Variants in CDH4 observed in about 807,000 individuals in gnomAD.
The protein encoded by CDH4 is cadherin-4.
Under a neutral mutation model 86.0 loss-of-function variants are expected in CDH4, and 33 were observed. That is an observed-to-expected ratio of 0.38 (90% CI 0.29 to 0.51). CDH4 has a LOEUF of 0.51. CDH4 is among the 20% of genes least tolerant of loss of function. CDH4 has a pLI of 0.86. For synonymous variants in CDH4, 555 were observed against 549.4 expected (o/e 1.01, Z -0.14); for missense variants, 1,114 against 1,307.4 (o/e 0.85, Z 2.28).
intron 2 of CDH4, among the ~76,000 whole-genome samples, chr20:61,692,999 G>A (rs1215063932): frequency 6.6e-6 from 1 of 152,130 alleles, no homozygotes; most frequent in East Asian, 1.9e-4. Context: ...TGATCCATGA[G>A]CTCAGCCAGC....
chr20:61,557,622 G>A (rs547439357), intron 2 of CDH4, among the ~76,000 whole-genome samples: 2 of 152,306 alleles, frequency 1.3e-5, no homozygotes, highest in East Asian at 1.9e-4. Context: ...GAGTGAAAAT[G>A]CCGCTCTTTT....
At chr20:61,651,434 G>A (rs893734424) in intron 2 of CDH4, among the ~76,000 whole-genome samples, 5 of 152,214 alleles carry the variant, frequency 3.3e-5, no homozygotes, top group Non-Finnish European at 4.4e-5. Context: ...TGCCTGTCGC[G>A]GCGTTCCTCT....
At chr20:61,599,107 A>T (rs899030116) in intron 2 of CDH4, among the ~76,000 whole-genome samples, 4 of 152,086 alleles carry the variant, frequency 2.6e-5, no homozygotes, top group Admixed American at 2.6e-4. Context: ...AGGGACCTCC[A>T]ATCCGCCCCT....
intron 2 of CDH4, among the ~76,000 whole-genome samples, chr20:61,401,388 T>G (rs1365100670): frequency 6.0e-5 from 6 of 99,546 alleles, no homozygotes; most frequent in Non-Finnish European, 1.1e-4. Context: ...GCCATTTTTT[T>G]GTCAGACAAA....
intron 2 of CDH4, among the ~76,000 whole-genome samples, chr20:61,528,248 G>A (rs544199200): frequency 3.0e-3 from 454 of 151,390 alleles, no homozygotes; most frequent in Non-Finnish European, 5.3e-3. Context: ...GTGGTGGTGT[G>A]TGCCTGTAAT....
intron 2 of CDH4, among the ~76,000 whole-genome samples, chr20:61,396,527 G>A (rs2085018234): frequency 6.6e-6 from 1 of 152,212 alleles, no homozygotes; most frequent in African/African-American, 2.4e-5. Flanking sequence ...GCCCTCACCT[G>A]GCCATGGAAC....
At chr20:61,591,539 G>A (rs2086519361) in intron 2 of CDH4, among the ~76,000 whole-genome samples, 1 of 151,150 alleles carries the variant, frequency 6.6e-6, no homozygotes, top group Non-Finnish European at 1.5e-5. Flanking sequence ...GTGTGTAGAT[G>A]GGAAGGGAGG....
chr20:61,766,469 C>T (rs1483243251), intron 3 of CDH4, among the ~76,000 whole-genome samples: 1 of 152,180 alleles, frequency 6.6e-6, no homozygotes. Context: ...AGCTCTGCCC[C>T]TTCTCAGGTT....
At chr20:61,580,381 G>A (rs545889693) in intron 2 of CDH4, among the ~76,000 whole-genome samples, 14 of 152,226 alleles carry the variant, frequency 9.2e-5, no homozygotes, top group South Asian at 4.1e-4. Context: ...CTGGCCACCC[G>A]GGAGGTGGAG....
intron 2 of CDH4, among the ~76,000 whole-genome samples, chr20:61,729,908 G>C (rs1163107939): frequency 1.3e-5 from 2 of 152,162 alleles, no homozygotes; most frequent in African/African-American, 4.8e-5. Context: ...CTTTATAATG[G>C]GATTTCTAAC....
chr20:61,493,622 AG>A (rs2085639978), intron 2 of CDH4, among the ~76,000 whole-genome samples: 1 of 152,146 alleles, frequency 6.6e-6, no homozygotes, highest in African/African-American at 2.4e-5. Flanking sequence ...ACAGGTTCCC[AG>A]GGGGATATCC....
intron 2 of CDH4, among the ~76,000 whole-genome samples, chr20:61,686,377 GTGTATA>G (rs1465896523): frequency 6.6e-6 from 1 of 152,124 alleles, no homozygotes; most frequent in Non-Finnish European, 1.5e-5. Context: ...ATTCGCATGT[GTGTATA>G]TGTGTGTGTG....
At chr20:61,814,099 G>T (rs542668984) in intron 4 of CDH4, among the ~76,000 whole-genome samples, 248 of 152,318 alleles carry the variant, frequency 1.6e-3, no homozygotes, top group African/African-American at 5.7e-3. Flanking sequence ...GTGGGGAGGG[G>T]CTCAGTACGG....
intron 2 of CDH4, chr20:61,499,504 T>A: frequency 7.8e-7 from 1 of 1,288,894 alleles, no homozygotes; most frequent in Non-Finnish European, 1.0e-6. Context: ...CAAGTGTGAG[T>A]GTGCTAGGGG....
chr20:61,768,868 G>A (rs903900911), intron 3 of CDH4, among the ~76,000 whole-genome samples: 2 of 152,196 alleles, frequency 1.3e-5, no homozygotes, highest in African/African-American at 2.4e-5. Flanking sequence ...CGCCATACAA[G>A]CTCATACTAA....
intron 6 of CDH4, among the ~76,000 whole-genome samples, chr20:61,860,093 A>C (rs921709982): frequency 2.5e-4 from 38 of 152,268 alleles, no homozygotes; most frequent in African/African-American, 8.9e-4. Context: ...GGCTCCCGGC[A>C]GTGACGCTGT....
intron 2 of CDH4, among the ~76,000 whole-genome samples, chr20:61,554,359 C>G (rs1600753519): frequency 6.6e-6 from 1 of 152,310 alleles, no homozygotes; most frequent in East Asian, 1.9e-4. Flanking sequence ...GGCACAGGCT[C>G]TGGTGGGCAA....
At chr20:61,396,131 G>A (rs557714626) in intron 2 of CDH4, among the ~76,000 whole-genome samples, 29 of 152,146 alleles carry the variant, frequency 1.9e-4, no homozygotes, top group East Asian at 5.8e-4. Context: ...CAGCAGCGTC[G>A]AGTAGTTGCT....
Position 61,330,004 on chromosome 20 carries a change from A to G in CDH4, c.169+75067A>G, listed in dbSNP as rs185208179. 4.6e-3 allele frequency among the ~76,000 whole-genome samples: 701 copies of G among 152,250 alleles called. 3 individuals carry two copies. Among genetic ancestry groups the G allele is most frequent in the African/African-American group, 0.015 (633 of 41,536 alleles). On this transcript the variant is annotated intron_variant, in intron 2 of 15. Transcript: ENST00000614565. ...CTTCTGGCTCCATCCATGTCCCTGC[A>G]AAGGACATGATCTTGTTCCTTTTTA...
Sources: gnomAD v4.1 joint callset for allele counts (sites outside exome capture counted in the v4.1 genomes callset) on GRCh38, gnomAD v4.1.1 for gene constraint, MANE v1.5 for transcripts, NCBI Gene and HGNC (gene_info 2026-07-23, HGNC 2026-07-21) for gene names.